IKZF2: variants seen among roughly 807,000 people sequenced by gnomAD.
IKZF2 encodes the protein IKAROS family zinc finger 2.
IKZF2 carries 15 observed loss-of-function variants against 49.2 expected under a neutral mutation model. That is an observed-to-expected ratio of 0.30 (90% CI 0.20 to 0.47). The LOEUF (loss-of-function observed/expected upper bound fraction) is 0.47. IKZF2 is among the 20% of genes least tolerant of loss of function. The pLI, the probability that IKZF2 is intolerant of heterozygous loss-of-function variation, is 1.00. For synonymous variants in IKZF2, 227 were observed against 221.4 expected (o/e 1.03, Z -0.23); for missense variants, 567 against 664.6 (o/e 0.85, Z 1.61).
chr2:213,116,201 T>C (rs2125803292), intron 4 of IKZF2, among the ~76,000 whole-genome samples: 1 of 152,324 alleles, frequency 6.6e-6, no homozygotes, highest in African/African-American at 2.4e-5. Context: ...AAAGAATTAC[T>C]CTGTAGCTGT....
Position 213,130,163 on chromosome 2 carries a change from T to G in IKZF2, c.139+17545A>C, listed in dbSNP as rs961535817. 2.0e-5 allele frequency among the ~76,000 whole-genome samples: 3 copies of G among 152,328 alleles called. No individual in the cohort carries two copies. In the South Asian group the frequency reaches 6.2e-4, roughly 32 times the overall value. On this transcript the variant is annotated intron_variant, in intron 4 of 8. Coordinates refer to ENST00000434687, the MANE Select transcript of IKZF2 (RefSeq NM_001387220.1). The stretch of plus-strand genomic sequence containing the variant: ...GTTGTTCTATCAAAAGCTTCTAGTT[T>G]TCTGATGTCCTCTAACTGGATCATT...
chr2:213,058,575 G>A (rs1325215515), intron 4 of IKZF2, among the ~76,000 whole-genome samples: 1 of 151,636 alleles, frequency 6.6e-6, no homozygotes, highest in African/African-American at 2.4e-5. Context: ...ATCCTTCCTG[G>A]ACCCATTTCT....
At chr2:213,022,398 G>T (rs1244107620) in intron 6 of IKZF2, among the ~76,000 whole-genome samples, 1 of 152,082 alleles carries the variant, frequency 6.6e-6, no homozygotes, top group Non-Finnish European at 1.5e-5. Flanking sequence ...TGAGGGCCTG[G>T]TGATCAGTCT....
intron 4 of IKZF2, among the ~76,000 whole-genome samples, chr2:213,130,016 T>G (rs943121570): frequency 6.6e-6 from 1 of 152,090 alleles, no homozygotes; most frequent in Non-Finnish European, 1.5e-5. Context: ...AGGCTGCAAA[T>G]AGATGAAGGT....
At chr2:213,131,416 C>T (rs1429920177) in intron 4 of IKZF2, among the ~76,000 whole-genome samples, 1 of 152,104 alleles carries the variant, frequency 6.6e-6, no homozygotes, top group Non-Finnish European at 1.5e-5. Flanking sequence ...TCATAAAGAT[C>T]AGAAATATTC....
At chr2:213,076,859 G>A (rs373023525) in intron 4 of IKZF2, among the ~76,000 whole-genome samples, 1 of 152,098 alleles carries the variant, frequency 6.6e-6, no homozygotes, top group Non-Finnish European at 1.5e-5. Flanking sequence ...CGGAGATCGC[G>A]CCACTGCACT....
intron 6 of IKZF2, among the ~76,000 whole-genome samples, chr2:213,032,011 G>C (rs911862795): frequency 1.3e-5 from 2 of 152,140 alleles, no homozygotes; most frequent in Non-Finnish European, 2.9e-5. Context: ...AAAAGAGCTA[G>C]AGAAAGTATA....
intron 4 of IKZF2, among the ~76,000 whole-genome samples, chr2:213,102,649 A>G (rs1422569784): frequency 1.3e-5 from 2 of 151,866 alleles, no homozygotes; most frequent in Non-Finnish European, 2.9e-5. Context: ...ATGAATTTTA[A>G]TAAGACCAAA....
intron 1 of IKZF2, 43 bp from the exon 2 acceptor site, chr2:213,150,290 T>TC: frequency 1.4e-6 from 1 of 737,968 alleles, no homozygotes; most frequent in Non-Finnish European, 2.1e-6. Context: ...TTTTTGTGTT[T>TC]CCCCCTTCTC....
chr2:213,057,438 T>C (rs982761358), intron 4 of IKZF2, among the ~76,000 whole-genome samples: 1 of 152,128 alleles, frequency 6.6e-6, no homozygotes, highest in Non-Finnish European at 1.5e-5. Context: ...AGGACTGAGA[T>C]AGGATTATGG....
At chr2:213,103,070 A>C (rs1338538721) in intron 4 of IKZF2, among the ~76,000 whole-genome samples, 1 of 152,212 alleles carries the variant, frequency 6.6e-6, no homozygotes, top group Non-Finnish European at 1.5e-5. Context: ...CATGTTCTAA[A>C]TACCGTAGAG....
In IKZF2 at chr2:213,008,018, T is replaced by C. The variant is rs1162939653; in HGVS notation, c.923A>G (p.Glu308Gly). 6 of 1,612,968 alleles carry C rather than the reference T, an allele frequency of 3.7e-6. 1 individual carries two copies. The South Asian group carries it at 6.6e-5, about 18-fold the overall frequency. Residue 308 changes from glutamate to glycine, a missense_variant, in exon 9 of 9, where the codon GAG (glutamate) becomes GGG (glycine). Glu to Gly is a moderately conservative substitution (Grantham distance 98). Coordinates refer to ENST00000434687, the MANE Select transcript of IKZF2 (RefSeq NM_001387220.1). The stretch of plus-strand genomic sequence containing the variant: ...CATATGAGACTGCATCAGCTCAGCC[T>C]CCTTCTCATATGTTAAGTTCATATC... Reference protein sequence around the residue: ...HFDMNLTYEKEAELMQSHMMD... With the variant: ...HFDMNLTYEKGAELMQSHMMD...
chr2:213,097,264 T>C (rs1320113363), intron 4 of IKZF2, among the ~76,000 whole-genome samples: 9 of 151,920 alleles, frequency 5.9e-5, no homozygotes. Flanking sequence ...TATAAATTGA[T>C]ATAAAATATT....
At chr2:213,020,542 T>C (rs938318796) in intron 7 of IKZF2, among the ~76,000 whole-genome samples, 2 of 151,876 alleles carry the variant, frequency 1.3e-5, no homozygotes, top group Non-Finnish European at 2.9e-5. Flanking sequence ...GCTTGAAATA[T>C]CAAATTTACC....
At chr2:213,074,430 A>C (rs1035164316) in intron 4 of IKZF2, among the ~76,000 whole-genome samples, 3 of 152,212 alleles carry the variant, frequency 2.0e-5, no homozygotes, top group Non-Finnish European at 2.9e-5. Context: ...ACATATACAC[A>C]GAAAATGTAT....
chr2:213,085,110 G>A (rs1704426567), intron 4 of IKZF2, among the ~76,000 whole-genome samples: 1 of 152,132 alleles, frequency 6.6e-6, no homozygotes, highest in African/African-American at 2.4e-5. Context: ...AATATTTACA[G>A]AATCAAGTTG....
chr2:213,099,786 C>T (rs1574841240), intron 4 of IKZF2, among the ~76,000 whole-genome samples: 2 of 152,042 alleles, frequency 1.3e-5, no homozygotes, highest in Admixed American at 6.6e-5. Context: ...ACCCTTAGCT[C>T]GGCATCTCTA....
At chr2:213,026,002 CTTCCCGTGTGTAATTATTTTA>C (rs1164909314) in intron 6 of IKZF2, among the ~76,000 whole-genome samples, 3 of 152,054 alleles carry the variant, frequency 2.0e-5, no homozygotes, top group Non-Finnish European at 4.4e-5. Context: ...TAGGCTTTCT[CTTCCCGTGTGTAATTATTTTA>C]TTCCTCTCTC....
intron 4 of IKZF2, among the ~76,000 whole-genome samples, chr2:213,095,982 C>T (rs1459128660): frequency 6.6e-6 from 1 of 151,826 alleles, no homozygotes; most frequent in African/African-American, 2.4e-5. Context: ...TCATAAGTAA[C>T]CCATCTCTGG....
Sources: gnomAD v4.1 joint callset for allele counts (sites outside exome capture counted in the v4.1 genomes callset) on GRCh38, gnomAD v4.1.1 for gene constraint, MANE v1.5 for transcripts, NCBI Gene and HGNC (gene_info 2026-07-23, HGNC 2026-07-21) for gene names.